MAP3K4: variants seen among roughly 807,000 people sequenced by gnomAD.
MAP3K4 encodes the protein mitogen-activated protein kinase kinase kinase 4.
MAP3K4 carries 67 observed loss-of-function variants against 185.6 expected under a neutral mutation model. The ratio of observed to expected loss-of-function variants is 0.36; its 90% CI spans 0.30 to 0.44. The LOEUF (loss-of-function observed/expected upper bound fraction) is 0.44, where lower values mean the gene tolerates loss of function less well. Among genes scored for constraint, MAP3K4 ranks in the 20% least tolerant of loss-of-function variants. The pLI is 1.00. For synonymous variants in MAP3K4, 702 were observed against 710.4 expected, an observed-to-expected ratio of 0.99 and a Z score of 0.19; for missense variants, 1,551 against 1,995.1, an observed-to-expected ratio of 0.78 and a Z score of 4.24.
At chr6:160,992,227 T>C in intron 1 of MAP3K4, 144 bp downstream of exon 1, 1 of 1,171,542 alleles carries the variant, frequency 8.5e-7, no homozygotes, top group Non-Finnish European at 1.1e-6. Flanking sequence ...AGGGGCGCGG[T>C]GCATCCCTGG....
rs370819900 is a variant in MAP3K4 at position 161,092,192 on chromosome 6, G to T, written c.3269+49G>T. The T allele has an allele frequency of 1.1e-4, 181 of 1,607,056 alleles. 1 individual carries two copies. The African/African-American group carries it at 2.3e-3, about 20-fold the overall frequency. ...TGAAATGTGTCATGTGGGCTTGGTGGTATTTGTTCATATATGTTCTGTGGG... is the reference window on the plus strand; with the variant it reads ...TGAAATGTGTCATGTGGGCTTGGTGTTATTTGTTCATATATGTTCTGTGGG... On this transcript the variant is annotated intron_variant, in intron 13 of 26. Transcript: ENST00000392142.
intron 3 of MAP3K4, among the ~76,000 whole-genome samples, chr6:161,060,249 T>C (rs1258565593): frequency 6.6e-6 from 1 of 152,226 alleles, no homozygotes; most frequent in East Asian, 1.9e-4. Context: ...TATTATATGG[T>C]TACTTAGTGG....
intron 1 of MAP3K4, among the ~76,000 whole-genome samples, chr6:161,033,907 T>A (rs1783040753): frequency 6.6e-6 from 1 of 152,220 alleles, no homozygotes; most frequent in Non-Finnish European, 1.5e-5. Context: ...TCTGTCTGAT[T>A]TGTATCTTCT....
intron 3 of MAP3K4, among the ~76,000 whole-genome samples, chr6:161,065,434 GT>G (rs1435289759): frequency 1.3e-5 from 2 of 152,070 alleles, no homozygotes; most frequent in Non-Finnish European, 2.9e-5. Context: ...CCGCTCACTG[GT>G]TTTATTGTAA....
rs1783709634 is a variant in MAP3K4 at position 161,045,891 on chromosome 6, A to G, written c.344-2725A>G. Among the ~76,000 whole-genome samples, 3 of 152,266 alleles carry G rather than the reference A, an allele frequency of 2.0e-5. No individual in the cohort carries two copies. In the South Asian group the frequency reaches 6.2e-4, roughly 32 times the overall value. On this transcript the variant is annotated intron_variant, in intron 2 of 26. Transcript: ENST00000392142. ...AATCATTTATTTGGGTGTACATAAT[A>G]GTTAATACACATTCTATTCTAGGTC...
Position 161,008,149 on chromosome 6 carries a change from T to C in MAP3K4, c.152+16066T>C, listed in dbSNP as rs1015882958. On this transcript the variant is annotated intron_variant, in intron 1 of 26. Transcript: ENST00000392142. The surrounding 1 kb of genome is among the most constrained non-coding windows in gnomAD (Gnocchi z 4.1). ...TATATAATATTTGATATAACTTCAG[T>C]CTACCAGTAGGAACCTTTGTTGGGT... 3.9e-5 allele frequency among the ~76,000 whole-genome samples: 6 copies of C among 152,184 alleles called. No homozygotes were observed. The highest frequency in any genetic ancestry group is 7.2e-5 in the African/African-American group (3 of 41,448).
Position 161,107,067 on chromosome 6 carries a change from C to T in MAP3K4, c.4048+362C>T, listed in dbSNP as rs999185465. Among the ~76,000 whole-genome samples the T allele has an allele frequency of 1.3e-5, 2 of 151,926 alleles. No homozygotes were observed. Reference sequence around the variant, plus strand: ...ACGCGCGCGCACACACACACACACACACACACACACACGCAGAACGTGATT... The same window carrying T: ...ACGCGCGCGCACACACACACACACATACACACACACACGCAGAACGTGATT... On this transcript the variant is annotated intron_variant, in intron 20 of 26. Coordinates refer to ENST00000392142, the MANE Select transcript of MAP3K4 (RefSeq NM_005922.4). The surrounding 1 kb of genome is among the most constrained non-coding windows in gnomAD (Gnocchi z 6.2).
At position 161,080,782 on chromosome 6, in the gene MAP3K4, C is replaced by T. The variant is rs866519908; in HGVS notation, c.2098-99C>T. 34 of 1,070,460 alleles carry T rather than the reference C, an allele frequency of 3.2e-5. No homozygotes were observed. Among genetic ancestry groups the T allele is most frequent in the Middle Eastern group, 2.9e-4 (1 of 3,478 alleles). 66.3% of individuals were successfully genotyped at this position (1,070,460 alleles called of 1,614,324 possible). On this transcript the variant is annotated intron_variant, in intron 5 of 26. Coordinates refer to ENST00000392142, the MANE Select transcript of MAP3K4 (RefSeq NM_005922.4). The surrounding 1 kb of genome is among the most constrained non-coding windows in gnomAD (Gnocchi z 4.8). The stretch of plus-strand genomic sequence containing the variant: ...TGCGTGCCTGTGACAGCCCCCGGCC[C>T]GCCCCCACTTTACCCTGCTGATGTG...
At chr6:161,018,248 C>T (rs1782206546) in intron 1 of MAP3K4, among the ~76,000 whole-genome samples, 1 of 151,984 alleles carries the variant, frequency 6.6e-6, no homozygotes. Flanking sequence ...AAAAAGAGCT[C>T]CAGAAAATTT....
chr6:161,025,915 G>A (rs2115132254), intron 1 of MAP3K4, among the ~76,000 whole-genome samples: 1 of 152,208 alleles, frequency 6.6e-6, no homozygotes, highest in East Asian at 1.9e-4. Context: ...TTAGACCTAT[G>A]GTTCTCTTTA....
chr6:161,050,216 G>A (rs754350997), intron 3 of MAP3K4, among the ~76,000 whole-genome samples: 1 of 152,118 alleles, frequency 6.6e-6, no homozygotes, highest in Non-Finnish European at 1.5e-5. Flanking sequence ...GTTCAACCAC[G>A]TAAATACAGG....
chr6:161,011,453 C>T (rs1258506353), intron 1 of MAP3K4, among the ~76,000 whole-genome samples: 1 of 152,088 alleles, frequency 6.6e-6, no homozygotes, highest in East Asian at 1.9e-4. Context: ...TGCCTTTCAA[C>T]CCCCCTCCCT....
At chr6:161,078,676 G>A (rs1243005779) in intron 5 of MAP3K4, among the ~76,000 whole-genome samples, 1 of 152,168 alleles carries the variant, frequency 6.6e-6, no homozygotes, top group Non-Finnish European at 1.5e-5. Flanking sequence ...AGGGCCACTG[G>A]AGATGGAGGC....
At chr6:161,038,035 CCTTT>C (rs1427943544) in intron 2 of MAP3K4, among the ~76,000 whole-genome samples, 1 of 152,024 alleles carries the variant, frequency 6.6e-6, no homozygotes, top group Non-Finnish European at 1.5e-5. Flanking sequence ...TCATCCTCTT[CCTTT>C]CTTTTCTTTC....
At chr6:161,066,468 A>C (rs147173923) in intron 3 of MAP3K4, among the ~76,000 whole-genome samples, 1 of 152,086 alleles carries the variant, frequency 6.6e-6, no homozygotes, top group African/African-American at 2.4e-5. Context: ...TAGATTATTA[A>C]ATCAGTTTTA....
In MAP3K4 at chr6:161,064,292, A is replaced by G. The variant is rs904889802; in HGVS notation, c.1708-6316A>G. Reference sequence around the variant, plus strand: ...TGTTTAATACATACTTTGATTTCCCATAATAACCAGTAAGAATTTCTAAAA... The same window carrying G: ...TGTTTAATACATACTTTGATTTCCCGTAATAACCAGTAAGAATTTCTAAAA... On this transcript the variant is annotated intron_variant, in intron 3 of 26. Coordinates refer to ENST00000392142, the MANE Select transcript of MAP3K4 (RefSeq NM_005922.4). This position sits in a 1 kb window ranked among gnomAD's most constrained non-coding sequence, Gnocchi z 4.3. Among the ~76,000 whole-genome samples the G allele has an allele frequency of 1.3e-5, 2 of 152,238 alleles. No homozygotes were observed. Among genetic ancestry groups the G allele is most frequent in the African/African-American group, 2.4e-5 (1 of 41,450 alleles).
chr6:161,026,667 A>C (rs895897991), intron 1 of MAP3K4, among the ~76,000 whole-genome samples: 2 of 150,166 alleles, frequency 1.3e-5, no homozygotes, highest in African/African-American at 4.9e-5. Flanking sequence ...AACAGAAATA[A>C]TTATGTTTGT....
chr6:161,072,867 C>G (rs550982279), intron 4 of MAP3K4, among the ~76,000 whole-genome samples: 94 of 152,214 alleles, frequency 6.2e-4, no homozygotes, highest in African/African-American at 2.1e-3. Context: ...CCTATTAGAT[C>G]TATATATTGC....
In MAP3K4 at chr6:161,082,466, G is replaced by A. The variant is rs1554282927; in HGVS notation, c.2255+1428G>A. Among the ~76,000 whole-genome samples, 1 of 151,674 alleles carries A rather than the reference G, an allele frequency of 6.6e-6. No homozygotes were observed. Among genetic ancestry groups the A allele is most frequent in the Non-Finnish European group, 1.5e-5 (1 of 68,000 alleles). ...TTGCTTGTCCTTCAAATTCCCTAGAGTGCAGTCTCTGGCCTTTGCTTTCAT... is the reference window on the plus strand; with the variant it reads ...TTGCTTGTCCTTCAAATTCCCTAGAATGCAGTCTCTGGCCTTTGCTTTCAT... On this transcript the variant is annotated intron_variant, in intron 6 of 26. Transcript: ENST00000392142. This position sits in a 1 kb window ranked among gnomAD's most constrained non-coding sequence, Gnocchi z 4.2.
Sources: allele counts gnomAD v4.1 joint callset (sites outside exome capture counted in the v4.1 genomes callset), GRCh38; gene constraint gnomAD v4.1.1; non-coding constraint Gnocchi (gnomAD v3.1); transcripts MANE v1.5; gene names NCBI Gene and HGNC (gene_info 2026-07-23, HGNC 2026-07-21).